The following ZNF225 variants were observed in gnomAD, a reference collection of about 807,000 sequenced individuals.
ZNF225 encodes the protein zinc finger protein 225.
A neutral mutation model predicts 12.0 loss-of-function variants in ZNF225; 6 were observed. That is an observed-to-expected ratio of 0.50 (90% CI 0.27 to 0.98). ZNF225 has a LOEUF of 0.98. Among genes scored for constraint, ZNF225 ranks in the 50% least tolerant of loss-of-function variants. The pLI is 0.11. For synonymous variants in ZNF225, 271 were observed against 283.2 expected (o/e 0.96, Z 0.43); for missense variants, 763 against 848.2 (o/e 0.90, Z 1.25).
intron 2 of ZNF225, 67 bp downstream of exon 2, chr19:44,115,909 TG>T: frequency 6.5e-7 from 1 of 1,539,468 alleles, no homozygotes; most frequent in East Asian, 2.3e-5. Flanking sequence ...TCGCCAAGGC[TG>T]GAGTGCAGTG....
chr19:44,116,150 C>T (rs1967938375), intron 2 of ZNF225, among the ~76,000 whole-genome samples: 2 of 152,176 alleles, frequency 1.3e-5, no homozygotes, highest in Non-Finnish European at 2.9e-5. Flanking sequence ...ATGTGAGCCA[C>T]CGTGCCCGGC....
chr19:44,125,771 T>C (rs988842147), intron 4 of ZNF225, among the ~76,000 whole-genome samples: 3 of 152,214 alleles, frequency 2.0e-5, no homozygotes, highest in African/African-American at 7.2e-5. Flanking sequence ...ATTGGGTTAA[T>C]TCGAAGAACT....
chr19:44,116,144 G>A lies in ZNF225; in HGVS notation c.15+302G>A, dbSNP rs140286935. On this transcript the variant is annotated intron_variant, in intron 2 of 4. Transcript: ENST00000262894. Reference sequence around the variant, plus strand: ...CCCAAAGTGCTGGAATTGCAGATGTGAGCCACCGTGCCCGGCCGTATTTCT... The same window carrying A: ...CCCAAAGTGCTGGAATTGCAGATGTAAGCCACCGTGCCCGGCCGTATTTCT... Among the ~76,000 whole-genome samples, 169 of 152,258 alleles carry A rather than the reference G, an allele frequency of 1.1e-3. 2 individuals carry two copies. In the East Asian group the frequency reaches 0.025, roughly 23 times the overall value.
At position 44,132,744 on chromosome 19, in the gene ZNF225, C is replaced by T; in HGVS notation, c.*9C>T. On this transcript the variant is annotated 3_prime_UTR_variant, in exon 5 of 5. Coordinates refer to ENST00000262894, the MANE Select transcript of ZNF225 (RefSeq NM_013362.4). ...TTTTAAATGACACATAACTGTTGTA[C>T]TCATTTATGGGGTACAGTGTGATAG... 1 of 1,560,780 alleles carries T rather than the reference C, an allele frequency of 6.4e-7. No individual in the cohort carries two copies. Among genetic ancestry groups the T allele is most frequent in the Non-Finnish European group, 8.7e-7 (1 of 1,153,584 alleles).
chr19:44,115,882 T>C, intron 2 of ZNF225, 40 bp downstream of exon 2: 1 of 1,605,548 alleles, frequency 6.2e-7, no homozygotes, highest in South Asian at 1.1e-5. Flanking sequence ...AAATTTCTTT[T>C]ATGGAGACTT....
upstream of ZNF225, chr19:44,112,052 T>A (rs1967842741): frequency 6.6e-6 from 1 of 152,272 alleles, no homozygotes; most frequent in African/African-American, 2.4e-5. Context: ...TGGCAGTGAA[T>A]GTGCTGAGTT....
At position 44,131,147 on chromosome 19, in the gene ZNF225, G is replaced by A. The variant is rs781307769; in HGVS notation, c.533G>A (p.Cys178Tyr). Residue 178 changes from cysteine (C) to tyrosine (Y), a missense_variant, in exon 5 of 5, where the codon TGT (cysteine) becomes TAT (tyrosine). Physicochemically the swap from Cys to Tyr is radical, Grantham distance 194 (BLOSUM62 -2). Coordinates refer to ENST00000262894, the MANE Select transcript of ZNF225 (RefSeq NM_013362.4). The part of the protein sequence containing the change: ...QLQSREKSHT[C>Y]DECGKSFCYS... Reference sequence around the variant, plus strand: ...CAGTCAAGAGAGAAGTCTCATACATGTGATGAATGTGGAAAGAGTTTCTGT... The same window carrying A: ...CAGTCAAGAGAGAAGTCTCATACATATGATGAATGTGGAAAGAGTTTCTGT... The A allele has an allele frequency of 2.5e-6, 4 of 1,614,188 alleles. No individual in the cohort carries two copies. The highest frequency in any genetic ancestry group is 1.1e-5 in the South Asian group (1 of 91,086).
At chr19:44,127,033 C>T (rs1968161755) in intron 4 of ZNF225, among the ~76,000 whole-genome samples, 1 of 152,218 alleles carries the variant, frequency 6.6e-6, no homozygotes, top group Non-Finnish European at 1.5e-5. Context: ...GATTCACACC[C>T]TCCCCCAAGT....
chr19:44,114,156 G>A (rs1206633641), intron 1 of ZNF225: 10 of 942,842 alleles, frequency 1.1e-5, no homozygotes, highest in Non-Finnish European at 1.6e-5. Context: ...TACCCAGCCC[G>A]ACCTTTCCAA....
At position 44,133,870 on chromosome 19, in the gene ZNF225, TCTA is replaced by T. The variant is rs200641300; in HGVS notation, c.*1139_*1141del. The T allele has an allele frequency of 1.4e-4, 19 of 140,356 alleles. No homozygotes were observed. Among genetic ancestry groups the T allele is most frequent in the African/African-American group, 4.6e-4 (16 of 34,822 alleles). The allele number at this position is 140,356 out of a possible 1,614,324, so 8.7% of individuals were successfully genotyped here. ...GATAGATTTGATTTTTATAATCAAA[TCTA>T]CTAGAGATAGATTTGATTTTTATAA... On this transcript the variant is annotated 3_prime_UTR_variant, in exon 5 of 5. Coordinates refer to ENST00000262894, the MANE Select transcript of ZNF225 (RefSeq NM_013362.4).
At chr19:44,115,402 T>C (rs1339365206) in intron 1 of ZNF225, 1 of 154,814 alleles carries the variant, frequency 6.5e-6, no homozygotes, top group Non-Finnish European at 1.4e-5. Context: ...ACTTTCTCGT[T>C]ATATACACTT....
intron 4 of ZNF225, among the ~76,000 whole-genome samples, chr19:44,122,566 T>G (rs1223970988): frequency 6.6e-6 from 1 of 152,246 alleles, no homozygotes; most frequent in Middle Eastern, 3.4e-3. Context: ...GGATTGCATT[T>G]AATTTGTAGA....
intron 4 of ZNF225, among the ~76,000 whole-genome samples, chr19:44,120,916 A>T (rs921015796): frequency 6.7e-5 from 10 of 148,770 alleles, no homozygotes; most frequent in Admixed American, 6.7e-4. Context: ...TTTTTTTTTT[A>T]AGCAGAGTCT....
At chr19:44,129,703 A>G (rs1403683437) in intron 4 of ZNF225, 6 of 152,186 alleles carry the variant, frequency 3.9e-5, no homozygotes, top group Non-Finnish European at 7.3e-5. Flanking sequence ...CATTCTCCTC[A>G]TAGGTGTGGC....
Position 44,132,828 on chromosome 19 carries a change from TCAAA to T in ZNF225, c.*96_*99del. 9.2e-7 allele frequency: 1 copy of T among 1,085,338 alleles called. No homozygotes were observed. The highest frequency in any genetic ancestry group is 1.3e-6 in the Non-Finnish European group (1 of 776,136). The allele number at this position is 1,085,338 out of a possible 1,614,324, so 67.2% of individuals were successfully genotyped here. A position where few individuals can be genotyped will look rare whatever the true frequency, so the allele number is the denominator to read the frequency against. Reference sequence around the variant, plus strand: ...CAGTGTAATTAACATACCTATCACCTCAAACATTTATCATTTATTTATGTTGGGA... The same window carrying T: ...CAGTGTAATTAACATACCTATCACCTCATTTATCATTTATTTATGTTGGGA... On this transcript the variant is annotated 3_prime_UTR_variant, in exon 5 of 5. Coordinates refer to ENST00000262894, the MANE Select transcript of ZNF225 (RefSeq NM_013362.4).
chr19:44,114,183 G>A, intron 1 of ZNF225: 3 of 1,035,792 alleles, frequency 2.9e-6, no homozygotes, highest in Non-Finnish European at 4.4e-6. Context: ...TGCAGGGAGG[G>A]ACTTCTTGGC....
chr19:44,126,131 C>T (rs764178313), intron 4 of ZNF225, among the ~76,000 whole-genome samples: 7 of 152,064 alleles, frequency 4.6e-5, no homozygotes, highest in Non-Finnish European at 7.4e-5. Flanking sequence ...GTCATATTAC[C>T]AGAGTTGGTT....
At chr19:44,121,837 G>A (rs1385218497) in intron 4 of ZNF225, among the ~76,000 whole-genome samples, 4 of 152,122 alleles carry the variant, frequency 2.6e-5, no homozygotes, top group Admixed American at 2.6e-4. Context: ...TTTTTGATGG[G>A]GTTGTTTGGT....
rs923437940 is a variant in ZNF225 at position 44,113,513 on chromosome 19, A to G, written c.-125A>G. On this transcript the variant is annotated 5_prime_UTR_variant, in exon 1 of 5. Coordinates refer to ENST00000262894, the MANE Select transcript of ZNF225 (RefSeq NM_013362.4). Reference sequence around the variant, plus strand: ...TGAATTTCCTGGACCTACGCATTGGATCCTTAACGAACTGGTGATCGAATT... The same window carrying G: ...TGAATTTCCTGGACCTACGCATTGGGTCCTTAACGAACTGGTGATCGAATT... 1 of 152,048 alleles carries G rather than the reference A, an allele frequency of 6.6e-6. No individual in the cohort carries two copies. Among genetic ancestry groups the G allele is most frequent in the African/African-American group, 2.4e-5 (1 of 41,370 alleles). 9.4% of individuals were successfully genotyped at this position (152,048 alleles called of 1,614,324 possible).
Sources: gnomAD v4.1 joint callset for allele counts (sites outside exome capture counted in the v4.1 genomes callset) on GRCh38, gnomAD v4.1.1 for gene constraint, MANE v1.5 for transcripts, NCBI Gene and HGNC (gene_info 2026-07-23, HGNC 2026-07-21) for gene names.